Variants in TMEM132D observed in about 807,000 individuals in gnomAD.
TMEM132D encodes transmembrane protein 132D.
Under a neutral mutation model 62.3 loss-of-function variants are expected in TMEM132D, and 21 were observed. The observed-to-expected ratio is 0.34, with a 90% CI of 0.24 to 0.49. The LOEUF (loss-of-function observed/expected upper bound fraction) is 0.49, where lower values mean the gene tolerates loss of function less well. Among genes scored for constraint, TMEM132D ranks in the 20% least tolerant of loss-of-function variants. The probability of loss-of-function intolerance (pLI) is 0.99; values close to 1 mark genes in which losing one functional copy is unlikely to be tolerated. For missense variants in TMEM132D, 1,346 were observed against 1,402.8 expected, an observed-to-expected ratio of 0.96 and a Z score of 0.65; for synonymous variants, 621 against 575.6, an observed-to-expected ratio of 1.08 and a Z score of -1.13.
chr12:129,426,645 G>T (rs1031082091), intron 3 of TMEM132D, among the ~76,000 whole-genome samples: 1 of 152,146 alleles, frequency 6.6e-6, no homozygotes, highest in East Asian at 1.9e-4. Flanking sequence ...TGAGCATAAG[G>T]TTCGAAATAA....
chr12:129,581,450 C>T (rs1302866994), intron 2 of TMEM132D, among the ~76,000 whole-genome samples: 1 of 152,186 alleles, frequency 6.6e-6, no homozygotes, highest in Non-Finnish European at 1.5e-5. Flanking sequence ...GGAAGCCAGT[C>T]TGAGTCCCAA....
intron 3 of TMEM132D, among the ~76,000 whole-genome samples, chr12:129,507,103 A>T (rs1301736578): frequency 1.3e-5 from 2 of 152,252 alleles, no homozygotes; most frequent in Non-Finnish European, 2.9e-5. Flanking sequence ...AACATATGAA[A>T]AAATGCTCAA....
At chr12:129,095,162 C>T (rs1426343068) in intron 5 of TMEM132D, among the ~76,000 whole-genome samples, 1 of 151,016 alleles carries the variant, frequency 6.6e-6, no homozygotes, top group Non-Finnish European at 1.5e-5. Context: ...TGCACATGTA[C>T]CCTAAAACTT....
chr12:129,444,415 A>C (rs1265748568), intron 3 of TMEM132D, among the ~76,000 whole-genome samples: 1 of 152,206 alleles, frequency 6.6e-6, no homozygotes, highest in East Asian at 1.9e-4. Context: ...TTTAGAAGAA[A>C]AACAACAAGC....
At chr12:129,859,773 G>C (rs550490764) in intron 1 of TMEM132D, among the ~76,000 whole-genome samples, 56 of 152,198 alleles carry the variant, frequency 3.7e-4, no homozygotes, top group Non-Finnish European at 6.8e-4. Flanking sequence ...ACTTACACCA[G>C]TGGTTTGCTG....
chr12:129,417,774 A>G (rs1238672534), intron 3 of TMEM132D, among the ~76,000 whole-genome samples: 3 of 152,236 alleles, frequency 2.0e-5, no homozygotes, highest in Non-Finnish European at 4.4e-5. Flanking sequence ...CAACCTACAG[A>G]ATGGGAGAAA....
chr12:129,378,073 C>A (rs1407547970), intron 3 of TMEM132D, among the ~76,000 whole-genome samples: 1 of 152,184 alleles, frequency 6.6e-6, no homozygotes, highest in African/African-American at 2.4e-5. Flanking sequence ...GCACATACCC[C>A]TTTCAAAGAC....
rs371719090 is a variant in TMEM132D, at chr12:129,612,353, C to T, written c.969-81148G>A. 2.2e-3 allele frequency among the ~76,000 whole-genome samples: 335 copies of T among 152,276 alleles called. 11 individuals carry two copies. The South Asian group carries it at 0.064, about 29-fold the overall frequency. On this transcript the variant is annotated intron_variant, in intron 2 of 8. Transcript: ENST00000422113. ...ACAGTGGGTGTAGAGGAAGAAGGAA[C>T]GCCTCCTGGCCAAGTTGCATAAATT...
intron 2 of TMEM132D, among the ~76,000 whole-genome samples, chr12:129,682,562 T>C (rs1015320435): frequency 2.0e-5 from 3 of 152,166 alleles, no homozygotes; most frequent in African/African-American, 7.2e-5. Flanking sequence ...CAGTGTTTAA[T>C]GGCCTTTGGA....
At chr12:129,605,056 CACTT>C (rs1421183112) in intron 2 of TMEM132D, among the ~76,000 whole-genome samples, 1 of 152,162 alleles carries the variant, frequency 6.6e-6, no homozygotes, top group Non-Finnish European at 1.5e-5. Context: ...AAAAGTAAGT[CACTT>C]ACCCTTAAAA....
chr12:129,574,845 G>C (rs1877614260), intron 2 of TMEM132D, among the ~76,000 whole-genome samples: 1 of 151,806 alleles, frequency 6.6e-6, no homozygotes, highest in South Asian at 2.1e-4. Context: ...TAAAGTCAAT[G>C]AGAAAGACCT....
At chr12:129,660,821 G>A (rs1195328825) in intron 2 of TMEM132D, among the ~76,000 whole-genome samples, 4 of 152,080 alleles carry the variant, frequency 2.6e-5, no homozygotes, top group Non-Finnish European at 5.9e-5. Context: ...ATGACAGATA[G>A]TTTCTATCCT....
intron 2 of TMEM132D, among the ~76,000 whole-genome samples, chr12:129,670,357 G>A (rs964133621): frequency 6.6e-6 from 1 of 152,140 alleles, no homozygotes; most frequent in African/African-American, 2.4e-5. Flanking sequence ...TTATGCAGCT[G>A]GAGGCTACAA....
chr12:129,235,532 A>G (rs1488437809), intron 4 of TMEM132D, among the ~76,000 whole-genome samples: 2 of 152,066 alleles, frequency 1.3e-5, no homozygotes, highest in Non-Finnish European at 2.9e-5. Context: ...ACATGTTATC[A>G]GTGGTTGATT....
At chr12:129,379,583 G>A (rs1295327539) in intron 3 of TMEM132D, among the ~76,000 whole-genome samples, 1 of 152,178 alleles carries the variant, frequency 6.6e-6, no homozygotes. Context: ...GCACGATGAC[G>A]TCTTTGTGCC....
intron 6 of TMEM132D, among the ~76,000 whole-genome samples, chr12:129,083,208 G>T (rs1874509121): frequency 6.6e-6 from 1 of 152,220 alleles, no homozygotes; most frequent in Admixed American, 6.5e-5. Context: ...GGCCAAATGT[G>T]ATAAGAAAGG....
intron 2 of TMEM132D, among the ~76,000 whole-genome samples, chr12:129,531,968 A>G (rs959173564): frequency 6.6e-6 from 1 of 152,132 alleles, no homozygotes; most frequent in Non-Finnish European, 1.5e-5. Context: ...AGGTGGGAGG[A>G]TCACTTGAAC....
chr12:129,267,681 A>C (rs1254332051), intron 4 of TMEM132D, among the ~76,000 whole-genome samples: 1 of 151,670 alleles, frequency 6.6e-6, no homozygotes, highest in Non-Finnish European at 1.5e-5. Context: ...GGAAAAAGCT[A>C]CTTTAAAGTT....
rs145515261 is a variant in TMEM132D, at chr12:129,731,788, A to G, written c.80-31090T>C. Among the ~76,000 whole-genome samples the G allele has an allele frequency of 7.0e-3, 1,068 of 151,990 alleles. 10 individuals are homozygous for G. The highest frequency in any genetic ancestry group is 0.025 in the African/African-American group (1,032 of 41,450). ...CACTATTCTCCTGCCTCAGCCTACT[A>G]AGTAGCTGGGACTACAGGCGCCCGC... On this transcript the variant is annotated intron_variant, in intron 1 of 8. Transcript: ENST00000422113.
Sources: gnomAD v4.1 joint callset for allele counts (sites outside exome capture counted in the v4.1 genomes callset) on GRCh38, gnomAD v4.1.1 for gene constraint, MANE v1.5 for transcripts, NCBI Gene and HGNC (gene_info 2026-07-23, HGNC 2026-07-21) for gene names.